KNTC1: variants seen among roughly 807,000 people sequenced by gnomAD.
KNTC1 encodes the protein kinetochore associated 1.
Under a neutral mutation model 314.4 loss-of-function variants are expected in KNTC1, and 253 were observed. The observed-to-expected ratio is 0.80, with a 90% CI of 0.73 to 0.89. The LOEUF (loss-of-function observed/expected upper bound fraction) is 0.89, where lower values mean the gene tolerates loss of function less well. KNTC1 is among the 40% of genes least tolerant of loss of function. The probability of loss-of-function intolerance (pLI) is 0.00; values close to 1 mark genes in which losing one functional copy is unlikely to be tolerated. For missense variants in KNTC1, 2,475 were observed against 2,572.9 expected (o/e 0.96, Z 0.82); for synonymous variants, 901 against 901.4 (o/e 1.00, Z 0.01).
intron 12 of KNTC1, among the ~76,000 whole-genome samples, 158 bp from the exon 13 acceptor site, chr12:122,549,608 C>T (rs928569940): frequency 1.3e-5 from 2 of 152,092 alleles, no homozygotes; most frequent in Non-Finnish European, 2.9e-5. Context: ...TCAGGCAATC[C>T]GCCTGCCTCA....
At chr12:122,543,506 A>G in intron 6 of KNTC1, 94 bp from the exon 7 acceptor site, 1 of 913,780 alleles carries the variant, frequency 1.1e-6, no homozygotes. Context: ...TTTGAACTAG[A>G]TTGTATTTAA....
intron 18 of KNTC1, among the ~76,000 whole-genome samples, chr12:122,559,475 G>A (rs1963833475): frequency 6.6e-6 from 1 of 152,062 alleles, no homozygotes; most frequent in South Asian, 2.1e-4. Context: ...TTTATCAGTT[G>A]ATGGACATTT....
At chr12:122,594,250 CTTTG>C (rs901121347) in intron 42 of KNTC1, 22 bp from the exon 43 acceptor site, 20 of 1,351,834 alleles carry the variant, frequency 1.5e-5, no homozygotes, top group African/African-American at 2.9e-5. Context: ...GGTTTTTTTG[CTTTG>C]TTTTTTTCTT....
rs1040373567 is a variant in KNTC1, at chr12:122,618,663, GT to G, written c.6149+121del. ...TGTTAGGAAGTTAAGCATAACACGTGTTTGTTGTTGTTGTTGTTGTTTTGAG... is the reference window on the plus strand; with the variant it reads ...TGTTAGGAAGTTAAGCATAACACGTGTTGTTGTTGTTGTTGTTGTTTTGAG... On this transcript the variant is annotated intron_variant, in intron 59 of 63. Coordinates refer to ENST00000333479, the MANE Select transcript of KNTC1 (RefSeq NM_014708.6). 15 of 792,918 alleles carry G rather than the reference GT, an allele frequency of 1.9e-5. No individual in the cohort carries two copies. The African/African-American group carries it at 2.6e-4, about 14-fold the overall frequency. The allele number at this position is 792,918 out of a possible 1,614,324, so 49.1% of individuals were successfully genotyped here. A position where few individuals can be genotyped will look rare whatever the true frequency, so the allele number is the denominator to read the frequency against.
chr12:122,592,880 A>G (rs937171240), intron 42 of KNTC1: 1 of 152,184 alleles, frequency 6.6e-6, no homozygotes, highest in African/African-American at 2.4e-5. Context: ...TAATCTTGCT[A>G]CTGCTCACTC....
chr12:122,585,766 C>T lies in KNTC1; in HGVS notation c.3665C>T (p.Pro1222Leu). The change falls in exon 37 of 64, where the codon CCT becomes CTT. Residue 1222 changes from proline (P) to leucine (L), a missense_variant. Transcript: ENST00000333479. ...TATGAACTGATTTCATCTCTTGTGC[C>T]TCTAGCTGGTAAGTCTTATTTGTAT... is the stretch of plus-strand genomic sequence containing the variant. ...VIYELISSLV[P>L]LAESKRYPLE... The T allele has an allele frequency of 6.2e-7, 1 of 1,613,512 alleles. No individual in the cohort carries two copies. Among genetic ancestry groups the T allele is most frequent in the Non-Finnish European group, 8.5e-7 (1 of 1,179,526 alleles).
At position 122,594,264 on chromosome 12, in the gene KNTC1, T is replaced by A. The variant is rs61164806; in HGVS notation, c.4246-12T>A. ...GGGTTTTTTTGCTTTGTTTTTTTCT[T>A]TTTATTTCTAGATTTCTTTTCAACC... On this transcript the variant is annotated splice_polypyrimidine_tract_variant and intron_variant, in intron 42 of 63. Transcript: ENST00000333479. 120 of 1,505,116 alleles carry A rather than the reference T, an allele frequency of 8.0e-5. No homozygotes were observed. In the African/African-American group the frequency reaches 1.4e-3, roughly 18 times the overall value. 93.2% of individuals were successfully genotyped at this position (1,505,116 alleles called of 1,614,324 possible). A position where few individuals can be genotyped will look rare whatever the true frequency, so the allele number is the denominator to read the frequency against.
At chr12:122,555,265 A>G (rs1001814204) in intron 16 of KNTC1, among the ~76,000 whole-genome samples, 1 of 152,228 alleles carries the variant, frequency 6.6e-6, no homozygotes, top group African/African-American at 2.4e-5. Flanking sequence ...ATAATCATAT[A>G]TACTTGGCCG....
rs1378770139 is a variant in KNTC1 at position 122,588,814 on chromosome 12, AAAGT to A, written c.3999+4_3999+7del. 2.6e-6 allele frequency: 4 copies of A among 1,521,234 alleles called. No individual in the cohort carries two copies. The African/African-American group carries it at 4.2e-5, about 16-fold the overall frequency. The allele number at this position is 1,521,234 out of a possible 1,614,324, so 94.2% of individuals were successfully genotyped here. A position where few individuals can be genotyped will look rare whatever the true frequency, so the allele number is the denominator to read the frequency against. On this transcript the variant is annotated splice_donor_variant and coding_sequence_variant, in exon 40 of 64. Coordinates refer to ENST00000333479, the MANE Select transcript of KNTC1 (RefSeq NM_014708.6). ...GGAAAATGCTACAACACTACTGCAC[AAAGT>A]AAGTATTTGTTCTGGGTAAAAATTT...
intron 18 of KNTC1, among the ~76,000 whole-genome samples, chr12:122,560,586 T>C (rs889346630): frequency 1.3e-5 from 2 of 152,164 alleles, no homozygotes; most frequent in African/African-American, 4.8e-5. Flanking sequence ...TTGGCCAGAC[T>C]AGTCTTGAAC....
rs750643923 is a variant in KNTC1 at position 122,546,235 on chromosome 12, A to C, written c.729A>C (p.Thr243=). The change falls in exon 9 of 64, where the codon ACA becomes ACC. Residue 243 remains threonine, a synonymous_variant. Transcript: ENST00000333479. The stretch of plus-strand genomic sequence containing the variant: ...CAGATTCTTCCAAGAAAGGAATGAC[A>C]GTTAAGAACCTTATTGATGCAGAGA... ...WEPDSSKKGM[T]VKNLIDAEII... 8 of 1,603,788 alleles carry C rather than the reference A, an allele frequency of 5.0e-6. No individual in the cohort carries two copies. The African/African-American group carries it at 5.4e-5, about 11-fold the overall frequency.
At chr12:122,567,197 A>C (rs1356597241) in intron 20 of KNTC1, among the ~76,000 whole-genome samples, 1 of 151,832 alleles carries the variant, frequency 6.6e-6, no homozygotes, top group African/African-American at 2.4e-5. Flanking sequence ...CAGCCTCCCG[A>C]GTAGCTGGGA....
intron 55 of KNTC1, among the ~76,000 whole-genome samples, chr12:122,614,408 C>T (rs1873531530): frequency 6.6e-6 from 1 of 152,098 alleles, no homozygotes; most frequent in South Asian, 2.1e-4. Context: ...GCCTCTGAGT[C>T]AGTTGGAGGC....
At chr12:122,560,978 T>C (rs903222536) in intron 18 of KNTC1, among the ~76,000 whole-genome samples, 2 of 152,158 alleles carry the variant, frequency 1.3e-5, no homozygotes, top group African/African-American at 4.8e-5. Flanking sequence ...TGATACCGTT[T>C]GTATATATTA....
At chr12:122,549,194 A>T (rs1008335795) in intron 12 of KNTC1, among the ~76,000 whole-genome samples, 1 of 150,526 alleles carries the variant, frequency 6.6e-6, no homozygotes, top group African/African-American at 2.4e-5. Flanking sequence ...CTGGGATTAC[A>T]GATGTGCACC....
At chr12:122,550,203 A>G (rs1205980768) in intron 13 of KNTC1, among the ~76,000 whole-genome samples, 3 of 152,212 alleles carry the variant, frequency 2.0e-5, no homozygotes, top group Non-Finnish European at 4.4e-5. Flanking sequence ...TATTTTAAAA[A>G]TATTTTACCA....
intron 59 of KNTC1, among the ~76,000 whole-genome samples, chr12:122,619,573 C>T (rs866725911): frequency 8.5e-5 from 13 of 152,054 alleles, no homozygotes; most frequent in African/African-American, 1.9e-4. Flanking sequence ...CCACCATGCC[C>T]GGCTAATTGT....
At chr12:122,621,767 T>C in intron 60 of KNTC1, 114 bp from the exon 61 acceptor site, 1 of 651,474 alleles carries the variant, frequency 1.5e-6, no homozygotes. Flanking sequence ...AGTGTTTCAG[T>C]ATTTAAATAG....
At chr12:122,565,540 G>T (rs1463602808) in intron 20 of KNTC1, among the ~76,000 whole-genome samples, 1 of 150,618 alleles carries the variant, frequency 6.6e-6, no homozygotes, top group Non-Finnish European at 1.5e-5. Context: ...AAAAAATTCA[G>T]AAGTTTGTAT....
Sources: allele counts gnomAD v4.1 joint callset (sites outside exome capture counted in the v4.1 genomes callset), GRCh38; gene constraint gnomAD v4.1.1; transcripts MANE v1.5; gene names NCBI Gene and HGNC (gene_info 2026-07-23, HGNC 2026-07-21).